The following INTS9 variants were observed in gnomAD, a reference collection of about 807,000 sequenced individuals.
INTS9 encodes protein related to CPSF subunits of 74 kDa.
In INTS9, 55 loss-of-function variants were observed where a neutral mutation model predicts 79.7. That is an observed-to-expected ratio of 0.69 (90% CI 0.56 to 0.86). INTS9 has a LOEUF of 0.86. Among genes scored for constraint, INTS9 ranks in the 40% least tolerant of loss-of-function variants. The pLI, the probability that INTS9 is intolerant of heterozygous loss-of-function variation, is 0.00. For synonymous variants in INTS9, 319 were observed against 325.2 expected, an observed-to-expected ratio of 0.98 and a Z score of 0.20; for missense variants, 721 against 831.5, an observed-to-expected ratio of 0.87 and a Z score of 1.64.
chr8:28,859,714 T>C, intron 1 of INTS9, 151 bp from the exon 2 acceptor site: 1 of 806,494 alleles, frequency 1.2e-6, no homozygotes. Context: ...TTTTACTGCT[T>C]GGGGACTACT....
intron 2 of INTS9, among the ~76,000 whole-genome samples, chr8:28,854,236 A>G (rs760263322): frequency 1.8e-4 from 28 of 152,212 alleles, no homozygotes; most frequent in Non-Finnish European, 3.8e-4. Flanking sequence ...GCATGAGTCC[A>G]TTCATTCATT....
chr8:28,829,015 G>T (rs1322085433), intron 6 of INTS9, among the ~76,000 whole-genome samples: 2 of 152,072 alleles, frequency 1.3e-5, no homozygotes, highest in African/African-American at 4.8e-5. Context: ...AAGGTATGAA[G>T]CCACATTTTA....
rs561870610 is a variant in INTS9 at position 28,825,852 on chromosome 8, C to A, written c.488+9440G>T. On this transcript the variant is annotated intron_variant, in intron 6 of 16. Transcript: ENST00000521022. ...ATTACTGGTGTTTCAAGTAGGGACA[C>A]AATTTACTTAAGCAAAACAAAAGGC... Among the ~76,000 whole-genome samples, 311 of 152,312 alleles carry A rather than the reference C, an allele frequency of 2.0e-3. 3 individuals are homozygous for A. Among genetic ancestry groups the A allele is most frequent in the African/African-American group, 7.1e-3 (294 of 41,574 alleles).
chr8:28,802,454 C>T (rs566292103), intron 8 of INTS9, among the ~76,000 whole-genome samples: 1 of 152,280 alleles, frequency 6.6e-6, no homozygotes, highest in South Asian at 2.1e-4. Flanking sequence ...ACCCAAGGAA[C>T]CTTAGAAACC....
chr8:28,843,017 T>C (rs1285984064), intron 4 of INTS9, among the ~76,000 whole-genome samples: 1 of 152,174 alleles, frequency 6.6e-6, no homozygotes, highest in Non-Finnish European at 1.5e-5. Flanking sequence ...GGTGAACTCA[T>C]GGGATTATGG....
intron 4 of INTS9, among the ~76,000 whole-genome samples, chr8:28,839,310 A>G (rs1164957485): frequency 6.6e-6 from 1 of 152,094 alleles, no homozygotes; most frequent in Non-Finnish European, 1.5e-5. Context: ...CAAATGGAAG[A>G]ACATTCCATG....
At chr8:28,810,611 T>G (rs138315809) in intron 8 of INTS9, among the ~76,000 whole-genome samples, 2 of 152,200 alleles carry the variant, frequency 1.3e-5, no homozygotes, top group Non-Finnish European at 2.9e-5. Context: ...TCTCTCTCTC[T>G]CTCTCTCTCC....
intron 6 of INTS9, among the ~76,000 whole-genome samples, chr8:28,817,138 T>C (rs1427845333): frequency 6.6e-6 from 1 of 150,772 alleles, no homozygotes; most frequent in Non-Finnish European, 1.5e-5. Context: ...TCTTTTGCTG[T>C]GCAGAAGCTC....
intron 8 of INTS9, among the ~76,000 whole-genome samples, chr8:28,806,630 A>C (rs566730318): frequency 1.3e-5 from 2 of 152,358 alleles, no homozygotes; most frequent in East Asian, 1.9e-4. Flanking sequence ...AAGGAAGACT[A>C]ATCAAATTTC....
At chr8:28,825,535 T>A (rs1806096400) in intron 6 of INTS9, among the ~76,000 whole-genome samples, 1 of 152,222 alleles carries the variant, frequency 6.6e-6, no homozygotes, top group South Asian at 2.1e-4. Context: ...CTTTCCTTCC[T>A]GCTAGCTCTG....
chr8:28,880,663 C>T (rs1450295729), intron 1 of INTS9, among the ~76,000 whole-genome samples: 1 of 147,916 alleles, frequency 6.8e-6, no homozygotes, highest in South Asian at 2.2e-4. Context: ...ATTGCAGCCT[C>T]TGCCCGGCCG....
intron 11 of INTS9, among the ~76,000 whole-genome samples, chr8:28,787,339 A>G (rs1332249392): frequency 6.6e-6 from 1 of 152,224 alleles, no homozygotes; most frequent in African/African-American, 2.4e-5. Context: ...GACAATACAT[A>G]AACCCAATTT....
At chr8:28,777,540 C>CTT (rs35374883) in intron 13 of INTS9, among the ~76,000 whole-genome samples, 84 of 146,342 alleles carry the variant, frequency 5.7e-4, no homozygotes, top group South Asian at 1.9e-3. Flanking sequence ...TCTAGAATGA[C>CTT]TTTTTTTTTT....
chr8:28,849,351 G>T (rs962447650), intron 3 of INTS9, among the ~76,000 whole-genome samples: 1 of 152,066 alleles, frequency 6.6e-6, no homozygotes, highest in Non-Finnish European at 1.5e-5. Flanking sequence ...CTATTGATCC[G>T]AGGAAGGAAT....
At chr8:28,818,320 C>T (rs1177202240) in intron 6 of INTS9, among the ~76,000 whole-genome samples, 26 of 149,568 alleles carry the variant, frequency 1.7e-4, no homozygotes, top group African/African-American at 2.7e-4. Flanking sequence ...TTTTGAGATA[C>T]GTCCCATCAA....
chr8:28,768,865 G>A (rs765137746), intron 16 of INTS9, among the ~76,000 whole-genome samples: 1 of 152,252 alleles, frequency 6.6e-6, no homozygotes, highest in African/African-American at 2.4e-5. Context: ...GAAGGGCCTC[G>A]GTGTGGGGAG....
At chr8:28,790,293 T>C (rs2130938256) in intron 10 of INTS9, among the ~76,000 whole-genome samples, 1 of 152,306 alleles carries the variant, frequency 6.6e-6, no homozygotes, top group South Asian at 2.1e-4. Context: ...GCTAAGTTAA[T>C]GCAAGTCTGG....
At chr8:28,889,510 C>G (rs1047142082) in intron 1 of INTS9, among the ~76,000 whole-genome samples, 1 of 152,144 alleles carries the variant, frequency 6.6e-6, no homozygotes, top group Admixed American at 6.5e-5. Context: ...GATACTCAAG[C>G]GCCAATCGAA....
At chr8:28,817,472 T>C (rs371848306) in intron 6 of INTS9, among the ~76,000 whole-genome samples, 56 of 152,218 alleles carry the variant, frequency 3.7e-4, no homozygotes, top group Non-Finnish European at 6.9e-4. Flanking sequence ...TGTAGATATG[T>C]GGCGTTATTT....
Sources: allele counts gnomAD v4.1 joint callset (sites outside exome capture counted in the v4.1 genomes callset), GRCh38; gene constraint gnomAD v4.1.1; transcripts MANE v1.5; gene names NCBI Gene and HGNC (gene_info 2026-07-23, HGNC 2026-07-21).